ILDR2: variants seen among roughly 807,000 people sequenced by gnomAD.
ILDR2 encodes the protein immunoglobulin-like domain-containing receptor 2.
ILDR2 carries 25 observed loss-of-function variants against 66.8 expected under a neutral mutation model. That is an observed-to-expected ratio of 0.37 (90% CI 0.27 to 0.52). ILDR2 has a LOEUF of 0.52. ILDR2 is among the 20% of genes least tolerant of loss of function. ILDR2 has a pLI of 0.88. For missense variants in ILDR2, 827 were observed against 876.8 expected, an observed-to-expected ratio of 0.94 and a Z score of 0.72; for synonymous variants, 367 against 357.2, an observed-to-expected ratio of 1.03 and a Z score of -0.31.
chr1:166,971,220 G>A (rs1269749658), intron 1 of ILDR2, among the ~76,000 whole-genome samples: 3 of 152,178 alleles, frequency 2.0e-5, no homozygotes, highest in Non-Finnish European at 4.4e-5. Flanking sequence ...TAAAAGCAAG[G>A]ACTATGACTT....
chr1:166,902,646 A>G (rs181967961), intron 2 of ILDR2, among the ~76,000 whole-genome samples: 17 of 152,270 alleles, frequency 1.1e-4, no homozygotes, highest in Admixed American at 2.6e-4. Flanking sequence ...TTAAACTTGA[A>G]TGGCAAAGAG....
downstream of ILDR2, among the ~76,000 whole-genome samples, chr1:166,907,548 T>C (rs913254873): frequency 1.3e-5 from 2 of 152,322 alleles, no homozygotes; most frequent in African/African-American, 4.8e-5. Context: ...CTCCACAATC[T>C]GTTGCTCTAA....
Position 166,910,197 on chromosome 1 carries a change from T to C in ILDR2, c.*9158A>G, listed in dbSNP as rs1557921555. On this transcript the variant is annotated 3_prime_UTR_variant, in exon 10 of 10. Transcript: ENST00000271417. ...ACTTCAGAAAACAATTGTAATTCCATGGTGTTAAAAGCACACTTTAAAATA... is the reference window on the plus strand; with the variant it reads ...ACTTCAGAAAACAATTGTAATTCCACGGTGTTAAAAGCACACTTTAAAATA... 1 of 152,206 alleles carries C rather than the reference T, an allele frequency of 6.6e-6. No homozygotes were observed. The highest frequency in any genetic ancestry group is 1.9e-4 in the East Asian group (1 of 5,148). 9.4% of individuals were successfully genotyped at this position (152,206 alleles called of 1,614,324 possible).
chr1:166,972,858 C>T (rs1663389394), intron 1 of ILDR2, among the ~76,000 whole-genome samples: 1 of 152,096 alleles, frequency 6.6e-6, no homozygotes, highest in South Asian at 2.1e-4. Flanking sequence ...CTACCACCCC[C>T]TCAAAAGAGA....
intron 6 of ILDR2, among the ~76,000 whole-genome samples, chr1:166,928,631 T>A (rs1050007709): frequency 6.6e-6 from 1 of 152,190 alleles, no homozygotes; most frequent in East Asian, 1.9e-4. Flanking sequence ...TGTCTGGCCA[T>A]GTTACCCTGG....
downstream of ILDR2, among the ~76,000 whole-genome samples, chr1:166,905,907 C>T (rs747090804): frequency 6.6e-6 from 1 of 152,174 alleles, no homozygotes; most frequent in African/African-American, 2.4e-5. Flanking sequence ...CAATCCTCAT[C>T]GCTTGCCTTC....
At chr1:166,965,406 G>C (rs549243873) in intron 1 of ILDR2, among the ~76,000 whole-genome samples, 1 of 151,942 alleles carries the variant, frequency 6.6e-6, no homozygotes, top group East Asian at 1.9e-4. Flanking sequence ...TGTGTACATT[G>C]AACAATCAGA....
chr1:166,903,266 A>G (rs1659290177), downstream of ILDR2, among the ~76,000 whole-genome samples: 1 of 152,236 alleles, frequency 6.6e-6, no homozygotes, highest in East Asian at 1.9e-4. Flanking sequence ...AGTGGCTTAA[A>G]TAAGAGAGAA....
In ILDR2 at chr1:166,916,104, C is replaced by T. The variant is rs1485367593; in HGVS notation, c.*3251G>A. ...GACACCTCCCTGCCACCTGCATCCA[C>T]ACTCCCTCCTCCAGCGTGTTCCTGA... is the stretch of plus-strand genomic sequence containing the variant. On this transcript the variant is annotated 3_prime_UTR_variant, in exon 10 of 10. Coordinates refer to ENST00000271417, the MANE Select transcript of ILDR2 (RefSeq NM_199351.3). 1 of 152,532 alleles carries T rather than the reference C, an allele frequency of 6.6e-6. No homozygotes were observed. The highest frequency in any genetic ancestry group is 1.5e-5 in the Non-Finnish European group (1 of 68,282). The allele number at this position is 152,532 out of a possible 1,614,324, so 9.4% of individuals were successfully genotyped here. A position where few individuals can be genotyped will look rare whatever the true frequency, so the allele number is the denominator to read the frequency against.
Position 166,975,286 on chromosome 1 carries a change from C to A in ILDR2, c.-18G>T, listed in dbSNP as rs772195243. On this transcript the variant is annotated 5_prime_UTR_variant, in exon 1 of 10. Coordinates refer to ENST00000271417, the MANE Select transcript of ILDR2 (RefSeq NM_199351.3). The stretch of plus-strand genomic sequence containing the variant: ...CTATCCATCTTCCCCAACTTCCCAG[C>A]CGAATTACGGAGTGAGGAAAGTGGG... 1.1e-5 allele frequency: 18 copies of A among 1,611,856 alleles called. No homozygotes were observed. Among genetic ancestry groups the A allele is most frequent in the Non-Finnish European group, 1.5e-5 (18 of 1,178,346 alleles).
At chr1:166,966,515 T>C (rs1418859850) in intron 1 of ILDR2, among the ~76,000 whole-genome samples, 2 of 152,256 alleles carry the variant, frequency 1.3e-5, no homozygotes, top group Non-Finnish European at 2.9e-5. Flanking sequence ...GGCATAGTTA[T>C]TATTTGCTGC....
intron 3 of ILDR2, among the ~76,000 whole-genome samples, chr1:166,956,436 A>T (rs1309805756): frequency 6.6e-6 from 1 of 152,084 alleles, no homozygotes; most frequent in African/African-American, 2.4e-5. Flanking sequence ...CAAGACAAAG[A>T]GAGAAATCAA....
intron 1 of ILDR2, among the ~76,000 whole-genome samples, chr1:166,974,169 C>T (rs1437877903): frequency 6.6e-6 from 1 of 152,138 alleles, no homozygotes; most frequent in Non-Finnish European, 1.5e-5. Context: ...TCTCTCCTGC[C>T]TTCCACCCCC....
rs375517905 is a variant in ILDR2 at position 166,919,439 on chromosome 1, G to A, written c.1885-49C>T. ...AACATTAAGCCACATGCTAGTTAAA[G>A]AAAACAACGAATAACAGATGGTTCT... is the stretch of plus-strand genomic sequence containing the variant. On this transcript the variant is annotated intron_variant, in intron 9 of 9. Transcript: ENST00000271417. 2,956 of 1,547,258 alleles carry A rather than the reference G, an allele frequency of 1.9e-3. 4 individuals carry two copies. Among genetic ancestry groups the A allele is most frequent in the Non-Finnish European group, 2.4e-3 (2,724 of 1,127,180 alleles).
intron 1 of ILDR2, among the ~76,000 whole-genome samples, chr1:166,958,872 T>G (rs374028162): frequency 6.6e-5 from 10 of 152,208 alleles, no homozygotes; most frequent in African/African-American, 1.9e-4. Context: ...CTTTCTAAAC[T>G]GATTGTTATG....
chr1:166,926,214 A>G (rs1021442943), intron 7 of ILDR2, among the ~76,000 whole-genome samples: 2 of 152,122 alleles, frequency 1.3e-5, no homozygotes, highest in Non-Finnish European at 2.9e-5. Context: ...AAGAGACAGC[A>G]TAATGACCTC....
At position 166,917,548 on chromosome 1, in the gene ILDR2, C is replaced by T. The variant is rs1004677929; in HGVS notation, c.*1807G>A. The stretch of plus-strand genomic sequence containing the variant: ...GCAAAGTCAAGCATTATCCTCCACT[C>T]CACAAGAGTGCAGGGTGAAAAGCTT... On this transcript the variant is annotated 3_prime_UTR_variant, in exon 10 of 10. Coordinates refer to ENST00000271417, the MANE Select transcript of ILDR2 (RefSeq NM_199351.3). The T allele has an allele frequency of 5.9e-5, 9 of 152,156 alleles. No homozygotes were observed. Among genetic ancestry groups the T allele is most frequent in the African/African-American group, 1.7e-4 (7 of 41,416 alleles). The allele number at this position is 152,156 out of a possible 1,614,324, so 9.4% of individuals were successfully genotyped here. A position where few individuals can be genotyped will look rare whatever the true frequency, so the allele number is the denominator to read the frequency against.
intron 3 of ILDR2, among the ~76,000 whole-genome samples, chr1:166,949,243 C>G (rs1453109010): frequency 6.6e-6 from 1 of 152,266 alleles, no homozygotes; most frequent in African/African-American, 2.4e-5. Flanking sequence ...CAACCAAAAA[C>G]TATCTCCAAA....
intron 3 of ILDR2, among the ~76,000 whole-genome samples, chr1:166,949,937 A>T (rs956576487): frequency 3.3e-5 from 5 of 152,158 alleles, no homozygotes; most frequent in African/African-American, 1.2e-4. Context: ...TCTCATGGAA[A>T]ACTATGGAGT....
Sources: allele counts gnomAD v4.1 joint callset (sites outside exome capture counted in the v4.1 genomes callset), GRCh38; gene constraint gnomAD v4.1.1; transcripts MANE v1.5; gene names NCBI Gene and HGNC (gene_info 2026-07-23, HGNC 2026-07-21).